The following SWAP70 variants were observed in gnomAD, a reference collection of about 807,000 sequenced individuals.
SWAP70 encodes switching B cell complex subunit SWAP70, also known as switch-associated protein 70.
A neutral mutation model predicts 80.2 loss-of-function variants in SWAP70; 34 were observed. The observed-to-expected ratio is 0.42, with a 90% CI of 0.32 to 0.56. The LOEUF (loss-of-function observed/expected upper bound fraction) is 0.56. SWAP70 is among the 20% of genes least tolerant of loss of function. The pLI, the probability that SWAP70 is intolerant of heterozygous loss-of-function variation, is 0.09. For missense variants in SWAP70, 578 were observed against 690.7 expected (o/e 0.84, Z 1.83); for synonymous variants, 239 against 238.5 (o/e 1.00, Z -0.02).
chr11:9,713,074 C>T (rs775038577), intron 2 of SWAP70, among the ~76,000 whole-genome samples: 2 of 152,190 alleles, frequency 1.3e-5, no homozygotes, highest in Non-Finnish European at 2.9e-5. Flanking sequence ...CAGTTTCTTC[C>T]ATGTGCTAGG....
At chr11:9,689,633 A>G (rs1053020985) in intron 1 of SWAP70, among the ~76,000 whole-genome samples, 9 of 152,284 alleles carry the variant, frequency 5.9e-5, no homozygotes, top group African/African-American at 1.9e-4. Context: ...TCCTTTTACA[A>G]ATCAAGAACT....
chr11:9,709,122 T>C (rs7938818), intron 2 of SWAP70, among the ~76,000 whole-genome samples: 49,354 of 151,118 alleles, frequency 0.33, 8,272 homozygotes, highest in Non-Finnish European at 0.35. Context: ...GTTGCCCAGG[T>C]TGGATTTTTT....
chr11:9,676,520 C>G (rs1382820708), intron 1 of SWAP70, among the ~76,000 whole-genome samples: 3 of 151,984 alleles, frequency 2.0e-5, no homozygotes, highest in African/African-American at 7.3e-5. Context: ...TTTCTTTATA[C>G]TTTAAATTAT....
intron 1 of SWAP70, among the ~76,000 whole-genome samples, chr11:9,684,350 G>A: frequency 6.6e-6 from 1 of 152,190 alleles, no homozygotes; most frequent in East Asian, 1.9e-4. Context: ...CCAGTGTTGA[G>A]ATTATGGGCA....
chr11:9,667,232 C>CTT (rs1554981984), intron 1 of SWAP70, among the ~76,000 whole-genome samples: 3 of 146,580 alleles, frequency 2.0e-5, no homozygotes, highest in African/African-American at 7.4e-5. Context: ...TTTCACACTT[C>CTT]TGTGTGTGTG....
intron 1 of SWAP70, among the ~76,000 whole-genome samples, chr11:9,676,722 T>C (rs1369058665): frequency 1.3e-5 from 2 of 151,268 alleles, no homozygotes; most frequent in African/African-American, 2.4e-5. Context: ...CAATCTCGGC[T>C]TACTGCAAGC....
intron 4 of SWAP70, among the ~76,000 whole-genome samples, chr11:9,725,533 AT>A: frequency 3.6e-5 from 1 of 27,450 alleles, no homozygotes; most frequent in African/African-American, 1.7e-4. Context: ...AATACAAAAT[AT>A]ATATATATAT....
intron 2 of SWAP70, among the ~76,000 whole-genome samples, chr11:9,694,521 GAA>G (rs1850731803): frequency 1.3e-5 from 2 of 152,144 alleles, no homozygotes. Context: ...TTGAAATTAA[GAA>G]CTGTGTTTTG....
chr11:9,713,728 A>G, intron 3 of SWAP70, 89 bp downstream of exon 3: 3 of 1,392,260 alleles, frequency 2.2e-6, no homozygotes, highest in Non-Finnish European at 2.0e-6. Context: ...CAGCATAGAT[A>G]TGGAAGGAGA....
intron 1 of SWAP70, among the ~76,000 whole-genome samples, chr11:9,679,141 C>A (rs1033442485): frequency 6.6e-6 from 1 of 152,134 alleles, no homozygotes; most frequent in African/African-American, 2.4e-5. Context: ...GGAGAGATTT[C>A]TGCAATATTA....
intron 1 of SWAP70, among the ~76,000 whole-genome samples, chr11:9,692,705 T>G (rs185160096): frequency 6.6e-6 from 1 of 152,268 alleles, no homozygotes; most frequent in African/African-American, 2.4e-5. Context: ...ATTCTTGAAA[T>G]TGATCTTTAG....
chr11:9,701,148 C>G (rs553696414), intron 2 of SWAP70, among the ~76,000 whole-genome samples: 1 of 151,750 alleles, frequency 6.6e-6, no homozygotes, highest in East Asian at 1.9e-4. Context: ...TGTTCCTTTA[C>G]CAAGTATTTT....
chr11:9,728,039 T>A lies in SWAP70; in HGVS notation c.643-14T>A, dbSNP rs766205481. On this transcript the variant is annotated splice_polypyrimidine_tract_variant and intron_variant, in intron 4 of 11. Transcript: ENST00000318950. ...AAAAAGACAATAATTTATATCACAT[T>A]TAATCTTTCACAGGGTTACATGATG... 7 of 1,579,626 alleles carry A rather than the reference T, an allele frequency of 4.4e-6. No homozygotes were observed. The South Asian group carries it at 5.8e-5, about 13-fold the overall frequency.
chr11:9,720,362 G>T (rs753445786), intron 3 of SWAP70: 289 of 985,306 alleles, frequency 2.9e-4, no homozygotes, highest in Non-Finnish European at 3.4e-4. Flanking sequence ...GATGAACCTG[G>T]CAAGCTACTT....
intron 1 of SWAP70, among the ~76,000 whole-genome samples, chr11:9,677,487 CCT>C (rs1401950968): frequency 2.6e-5 from 4 of 152,054 alleles, no homozygotes; most frequent in African/African-American, 9.7e-5. Context: ...ATATTAGTCC[CCT>C]GTCCTGGAGG....
In SWAP70 at chr11:9,732,646, G is replaced by A. The variant is rs747938921; in HGVS notation, c.1016G>A (p.Arg339Gln). 4 of 1,575,076 alleles carry A rather than the reference G, an allele frequency of 2.5e-6. No homozygotes were observed. The highest frequency in any genetic ancestry group is 2.6e-6 in the Non-Finnish European group (3 of 1,158,778). Residue 339 changes from arginine to glutamine, a missense_variant, in exon 7 of 12, where the codon CGA (arginine) becomes CAA (glutamine). Transcript: ENST00000318950. ...KQLAEQEELE[R>Q]QMKELQAANE... ...CTGGCTGAACAAGAGGAACTGGAGC[G>A]ACAAATGAAGGAACTCCAGGCCGCC...
intron 1 of SWAP70, among the ~76,000 whole-genome samples, chr11:9,678,304 G>A (rs771723799): frequency 9.2e-5 from 14 of 151,980 alleles, no homozygotes; most frequent in Admixed American, 4.6e-4. Flanking sequence ...TAAAGTCTTT[G>A]TAAATATTTT....
intron 8 of SWAP70, among the ~76,000 whole-genome samples, chr11:9,739,781 G>C (rs1851411639): frequency 6.6e-6 from 1 of 152,184 alleles, no homozygotes; most frequent in African/African-American, 2.4e-5. Context: ...ACTGGGAAAA[G>C]GTTCGTTTGC....
At chr11:9,737,393 T>G (rs868861) in intron 7 of SWAP70, among the ~76,000 whole-genome samples, 15,115 of 152,256 alleles carry the variant, frequency 0.099, 1,907 homozygotes, top group East Asian at 0.28. Flanking sequence ...ATGTTCTCCA[T>G]TTTAGAATGT....
Sources: gnomAD v4.1 joint callset for allele counts (sites outside exome capture counted in the v4.1 genomes callset) on GRCh38, gnomAD v4.1.1 for gene constraint, MANE v1.5 for transcripts, NCBI Gene and HGNC (gene_info 2026-07-23, HGNC 2026-07-21) for gene names.